Variants in RMP64 observed in about 807,000 individuals in gnomAD.
RMP64 encodes the protein ribonuclease MRP subunit p64.
the RMP64 span, chr3:113,010,921 A>T: frequency 0.68 from 608,145 of 899,744 alleles, 215,749 homozygotes; most frequent in Non-Finnish European, 0.74. Context: ...AATCAATATG[A>T]GTCAAAATTA....
the RMP64 span, chr3:113,011,531 A>G: frequency 1.3e-6 from 1 of 755,072 alleles, no homozygotes. Context: ...GATAAAAAAC[A>G]CTATAGTGCA....
At chr3:113,005,231 T>C in the RMP64 span, 1 of 351,798 alleles carries the variant, frequency 2.8e-6, no homozygotes, top group Non-Finnish European at 5.3e-6. Flanking sequence ...GTCATAAAAT[T>C]ATTCAGTTTT....
the RMP64 span, chr3:113,005,312 T>C: frequency 1.5e-5 from 8 of 537,012 alleles, no homozygotes; most frequent in East Asian, 2.2e-4. Context: ...AGATTTTTCA[T>C]ATTAACACCT....
At chr3:113,010,547 G>T in the RMP64 span, 1 of 992,834 alleles carries the variant, frequency 1.0e-6, no homozygotes, top group South Asian at 1.4e-5. Context: ...TTAGAGCTGG[G>T]GATAAAATGA....
chr3:113,005,492 C>G, the RMP64 span: 9 of 1,268,696 alleles, frequency 7.1e-6, no homozygotes, highest in Non-Finnish European at 1.0e-5. Flanking sequence ...GAACACTGAA[C>G]TAGCCTTGTT....
At chr3:113,011,101 T>G in the RMP64 span, 1 of 1,612,750 alleles carries the variant, frequency 6.2e-7, no homozygotes, top group Non-Finnish European at 8.5e-7. Context: ...ATTCTGTACA[T>G]TGATCTTCAT....
At chr3:113,014,152 G>A in the RMP64 span, 6 of 637,978 alleles carry the variant, frequency 9.4e-6, no homozygotes, top group Non-Finnish European at 1.7e-5. Context: ...AAATATCACA[G>A]AATACCTTAT....
the RMP64 span, among the ~76,000 whole-genome samples, chr3:113,006,855 G>A: frequency 2.0e-5 from 3 of 152,134 alleles, no homozygotes. Context: ...CTAACCCCTT[G>A]AGCAAAATCC....
the RMP64 span, chr3:113,019,018 A>G: frequency 6.5e-6 from 1 of 154,998 alleles, no homozygotes; most frequent in Non-Finnish European, 1.4e-5. Context: ...CTCCTAAATT[A>G]CATCATTAGA....
the RMP64 span, among the ~76,000 whole-genome samples, chr3:113,016,349 C>T: frequency 6.6e-6 from 1 of 152,048 alleles, no homozygotes; most frequent in African/African-American, 2.4e-5. Context: ...TTGACAAGGT[C>T]TAAGAAAGGA....
chr3:113,010,739 T>C, the RMP64 span: 7 of 1,528,784 alleles, frequency 4.6e-6, no homozygotes, highest in Non-Finnish European at 6.3e-6. Context: ...TACAAAACCT[T>C]AGGCATACTA....
At chr3:113,005,780 C>CG in the RMP64 span, 1 of 1,613,808 alleles carries the variant, frequency 6.2e-7, no homozygotes, top group South Asian at 1.1e-5. Context: ...TGAGAGTCTC[C>CG]ACTTAGCACT....
the RMP64 span, among the ~76,000 whole-genome samples, chr3:113,007,493 T>C: frequency 2.1e-3 from 318 of 152,296 alleles, 1 homozygote; most frequent in African/African-American, 6.6e-3. Flanking sequence ...GTCAGAATAA[T>C]TGCCTCTGTG....
chr3:113,008,392 T>C, the RMP64 span: 1 of 1,613,420 alleles, frequency 6.2e-7, no homozygotes, highest in Non-Finnish European at 8.5e-7. Context: ...TGGTTGTCTT[T>C]AGTCTGGATT....
the RMP64 span, chr3:113,006,117 G>C: frequency 1.9e-5 from 14 of 736,910 alleles, no homozygotes; most frequent in African/African-American, 2.0e-4. Flanking sequence ...CAAGTCCTAT[G>C]CCTGTGTACA....
At chr3:113,008,139 G>C in the RMP64 span, 3 of 1,590,882 alleles carry the variant, frequency 1.9e-6, no homozygotes, top group South Asian at 3.3e-5. Flanking sequence ...AACAGAAAAA[G>C]TAAAGTAACA....
At chr3:113,017,758 T>C in the RMP64 span, among the ~76,000 whole-genome samples, 1 of 152,204 alleles carries the variant, frequency 6.6e-6, no homozygotes, top group South Asian at 2.1e-4. Flanking sequence ...GGATTCTAAG[T>C]ATAAGAGAAG....
chr3:113,008,101 T>C, the RMP64 span: 6 of 1,421,604 alleles, frequency 4.2e-6, no homozygotes, highest in Non-Finnish European at 5.9e-6. Flanking sequence ...TAAAGAAAAG[T>C]GACCTGAATA....
the RMP64 span, among the ~76,000 whole-genome samples, chr3:113,018,825 A>C: frequency 6.6e-5 from 10 of 152,280 alleles, no homozygotes; most frequent in African/African-American, 2.4e-4. Flanking sequence ...TCTCCATTTG[A>C]AAGTGAGATC....
Sources: allele counts gnomAD v4.1 joint callset (sites outside exome capture counted in the v4.1 genomes callset), GRCh38; gene constraint gnomAD v4.1.1; transcripts MANE v1.5; gene names NCBI Gene and HGNC (gene_info 2026-07-23, HGNC 2026-07-21).